STK39: variants seen among roughly 807,000 people sequenced by gnomAD.
The protein encoded by STK39 is STE20/SPS1-related proline-alanine-rich protein kinase.
A neutral mutation model predicts 77.8 loss-of-function variants in STK39; 20 were observed. The ratio of observed to expected loss-of-function variants is 0.26; its 90% CI spans 0.18 to 0.37. The LOEUF (loss-of-function observed/expected upper bound fraction) is 0.37. STK39 is among the 10% of genes least tolerant of loss of function. The pLI is 1.00. For missense variants in STK39, 479 were observed against 656.5 expected (o/e 0.73, Z 2.95); for synonymous variants, 246 against 234.1 (o/e 1.05, Z -0.47).
At chr2:167,967,345 C>T (rs758271117) in intron 16 of STK39, among the ~76,000 whole-genome samples, 4 of 152,158 alleles carry the variant, frequency 2.6e-5, no homozygotes, top group Non-Finnish European at 4.4e-5. Flanking sequence ...GCACTGAGGC[C>T]CCCAGGGACT....
At chr2:168,153,584 C>T (rs531812469) in intron 5 of STK39, among the ~76,000 whole-genome samples, 2 of 149,972 alleles carry the variant, frequency 1.3e-5, no homozygotes, top group Non-Finnish European at 3.0e-5. Flanking sequence ...ATAGAGAGTA[C>T]GCTGATGTGT....
intron 10 of STK39, among the ~76,000 whole-genome samples, chr2:168,120,325 T>G (rs1687372228): frequency 6.6e-6 from 1 of 152,218 alleles, no homozygotes; most frequent in Non-Finnish European, 1.5e-5. Flanking sequence ...CCCCTTCACA[T>G]GTCCCCCATC....
At chr2:168,221,797 C>T (rs1013998324) in intron 1 of STK39, among the ~76,000 whole-genome samples, 20 of 151,984 alleles carry the variant, frequency 1.3e-4, no homozygotes, top group African/African-American at 4.6e-4. Context: ...TGGCACTCAC[C>T]GGGGCGCAAC....
intron 12 of STK39, among the ~76,000 whole-genome samples, chr2:168,066,919 A>AG: frequency 6.6e-6 from 1 of 152,168 alleles, no homozygotes; most frequent in East Asian, 1.9e-4. Context: ...CCCAAATCTC[A>AG]TGTTGAAATG....
intron 8 of STK39, among the ~76,000 whole-genome samples, chr2:168,133,137 G>A (rs1400056495): frequency 6.6e-6 from 1 of 152,192 alleles, no homozygotes; most frequent in Admixed American, 6.5e-5. Context: ...CACACAGGAA[G>A]GGTCAAGTGT....
intron 1 of STK39, among the ~76,000 whole-genome samples, chr2:168,186,124 C>G (rs1254045459): frequency 2.0e-5 from 3 of 152,076 alleles, no homozygotes; most frequent in African/African-American, 7.2e-5. Flanking sequence ...GGACAGAGCC[C>G]TGGTCCAATA....
rs890683881 is a variant in STK39, at chr2:168,038,337, G to A, written c.1377-21242C>T. On this transcript the variant is annotated intron_variant, in intron 14 of 17. Coordinates refer to ENST00000355999, the MANE Select transcript of STK39 (RefSeq NM_013233.3). ...TTCAGATCTTCTAACAAATGGGGTT[G>A]GCACAAGTGTGTATCTGGAAGGAAA... 3.3e-5 allele frequency among the ~76,000 whole-genome samples: 5 copies of A among 151,880 alleles called. No individual in the cohort carries two copies. The South Asian group carries it at 1.0e-3, about 32-fold the overall frequency.
chr2:167,978,901 T>C (rs770418628), intron 16 of STK39, among the ~76,000 whole-genome samples: 7 of 152,192 alleles, frequency 4.6e-5, no homozygotes, highest in Non-Finnish European at 1.0e-4. Flanking sequence ...TTCTCTCACA[T>C]ATCATAATTA....
chr2:167,965,670 G>C (rs1692137351), intron 16 of STK39, among the ~76,000 whole-genome samples: 1 of 152,162 alleles, frequency 6.6e-6, no homozygotes, highest in African/African-American at 2.4e-5. Flanking sequence ...GAAATTATGG[G>C]AGAATGTCGT....
At chr2:168,067,429 A>G (rs1559081219) in intron 12 of STK39, among the ~76,000 whole-genome samples, 2 of 152,146 alleles carry the variant, frequency 1.3e-5, no homozygotes, top group Admixed American at 6.6e-5. Flanking sequence ...CTTTCACCAA[A>G]TTATGTGCCT....
chr2:168,091,925 A>C (rs549273775), intron 10 of STK39, among the ~76,000 whole-genome samples: 1 of 152,218 alleles, frequency 6.6e-6, no homozygotes. Flanking sequence ...TCATTTTCCC[A>C]AAGAACAAAA....
chr2:168,102,929 CAAAAAAAAA>C (rs35442749), intron 10 of STK39, among the ~76,000 whole-genome samples: 7 of 50,086 alleles, frequency 1.4e-4, no homozygotes, highest in Non-Finnish European at 2.3e-4. Flanking sequence ...GAATCCGTCT[CAAAAAAAAA>C]AAAAAAAAAA....
chr2:167,957,557 T>C (rs370807141), intron 17 of STK39, among the ~76,000 whole-genome samples: 8 of 152,280 alleles, frequency 5.3e-5, no homozygotes, highest in East Asian at 3.9e-4. Flanking sequence ...TTAACATCAT[T>C]TACTCAACCC....
intron 8 of STK39, among the ~76,000 whole-genome samples, chr2:168,130,861 G>A (rs530768413): frequency 6.6e-6 from 1 of 152,314 alleles, no homozygotes; most frequent in East Asian, 1.9e-4. Flanking sequence ...CAAGACAACT[G>A]GCCTGATCTC....
intron 10 of STK39, among the ~76,000 whole-genome samples, chr2:168,123,638 G>A (rs1432996023): frequency 6.6e-6 from 1 of 152,072 alleles, no homozygotes; most frequent in Admixed American, 6.6e-5. Context: ...TAGAGGCCCA[G>A]GTCAGAGGAT....
rs115001313 is a variant in STK39, at chr2:168,173,136, C to A, written c.322-5729G>T. Among the ~76,000 whole-genome samples the A allele has an allele frequency of 6.2e-3, 950 of 152,248 alleles. 4 individuals are homozygous for A. Among genetic ancestry groups the A allele is most frequent in the Non-Finnish European group, 9.1e-3 (620 of 68,008 alleles). ...GAGAGAAACATGTAGCTCCCAGGCA[C>A]GTTTCCCCACTGCAATGTAATCTAT... On this transcript the variant is annotated intron_variant, in intron 2 of 17. Coordinates refer to ENST00000355999, the MANE Select transcript of STK39 (RefSeq NM_013233.3).
intron 10 of STK39, among the ~76,000 whole-genome samples, chr2:168,075,465 G>T (rs1185992258): frequency 6.6e-6 from 1 of 151,944 alleles, no homozygotes; most frequent in Non-Finnish European, 1.5e-5. Flanking sequence ...TATACATGAA[G>T]AACAAAATAT....
intron 1 of STK39, among the ~76,000 whole-genome samples, chr2:168,229,175 C>G (rs887785580): frequency 6.6e-6 from 1 of 152,010 alleles, no homozygotes; most frequent in South Asian, 2.1e-4. Context: ...TGAGACCAGC[C>G]TGGCCAAGAT....
At chr2:167,960,357 A>G (rs1026645300) in intron 17 of STK39, among the ~76,000 whole-genome samples, 8 of 146,118 alleles carry the variant, frequency 5.5e-5, no homozygotes, top group Non-Finnish European at 1.1e-4. Context: ...TATGTGCTAA[A>G]TTCTAACAGC....
Sources: gnomAD v4.1 joint callset for allele counts (sites outside exome capture counted in the v4.1 genomes callset) on GRCh38, gnomAD v4.1.1 for gene constraint, MANE v1.5 for transcripts, NCBI Gene and HGNC (gene_info 2026-07-23, HGNC 2026-07-21) for gene names.